Variants in POLR3B observed in about 807,000 individuals in gnomAD.
POLR3B encodes the protein RNA polymerase III subunit B.
A neutral mutation model predicts 147.4 loss-of-function variants in POLR3B; 96 were observed. That is an observed-to-expected ratio of 0.65 (90% CI 0.55 to 0.77). The LOEUF (loss-of-function observed/expected upper bound fraction) is 0.77, where lower values mean the gene tolerates loss of function less well. Ranked by LOEUF, POLR3B falls within the 30% of genes least tolerant of loss-of-function variation. The pLI is 0.00. For synonymous variants in POLR3B, 461 were observed against 485.9 expected (o/e 0.95, Z 0.67); for missense variants, 1,036 against 1,413.5 (o/e 0.73, Z 4.28).
intron 1 of POLR3B, among the ~76,000 whole-genome samples, chr12:106,359,557 C>A (rs2136873209): frequency 6.6e-6 from 1 of 152,128 alleles, no homozygotes; most frequent in East Asian, 1.9e-4. Flanking sequence ...GTCTCGAACT[C>A]CTGACCTCGT....
chr12:106,439,913 G>A (rs1441882754), intron 18 of POLR3B, among the ~76,000 whole-genome samples: 1 of 151,962 alleles, frequency 6.6e-6, no homozygotes, highest in Non-Finnish European at 1.5e-5. Flanking sequence ...AAAAAAGTTA[G>A]CCAAGTGTTG....
intron 11 of POLR3B, among the ~76,000 whole-genome samples, chr12:106,408,921 G>T (rs1006141904): frequency 5.3e-5 from 8 of 152,172 alleles, no homozygotes; most frequent in African/African-American, 1.9e-4. Flanking sequence ...AAATGAGTTA[G>T]AGTTCAATCC....
Position 106,376,545 on chromosome 12 carries a change from T to G in POLR3B, c.496+95T>G, listed in dbSNP as rs552245687. On this transcript the variant is annotated intron_variant, in intron 7 of 27. Transcript: ENST00000228347. ...ATTTTGTCTCAAAAACAGTACCAGC[T>G]TTTCTACTTTATAATGAACTTGTTC... The G allele has an allele frequency of 3.5e-6, 3 of 867,110 alleles. No individual in the cohort carries two copies. The East Asian group carries it at 7.6e-5, about 22-fold the overall frequency. The allele number at this position is 867,110 out of a possible 1,614,324, so 53.7% of individuals were successfully genotyped here.
intron 10 of POLR3B, among the ~76,000 whole-genome samples, chr12:106,404,603 A>G (rs1207170493): frequency 6.6e-6 from 1 of 151,894 alleles, no homozygotes; most frequent in Non-Finnish European, 1.5e-5. Context: ...TTTCTTAGTG[A>G]ATTGTCTTTT....
Position 106,430,341 on chromosome 12 carries a change from A to G in POLR3B, c.1332A>G (p.Ser444=), listed in dbSNP as rs145020083. Reference sequence around the variant, plus strand: ...TAACCCAAGTGCTGTCTCGCTTGTCATATATATCCGCACTGGGCATGATGA... The same window carrying G: ...TAACCCAAGTGCTGTCTCGCTTGTCGTATATATCCGCACTGGGCATGATGA... ...QGVTQVLSRL[S]YISALGMMTR... is the part of the protein sequence containing the mutation. The change falls in exon 14 of 28, where the codon TCA becomes TCG. Residue 444 remains serine, a synonymous_variant. Transcript: ENST00000228347. 1.8e-5 allele frequency: 29 copies of G among 1,614,016 alleles called. No individual in the cohort carries two copies. The African/African-American group carries it at 3.9e-4, about 22-fold the overall frequency.
At chr12:106,364,777 A>G (rs1286811496) in intron 2 of POLR3B, among the ~76,000 whole-genome samples, 2 of 152,264 alleles carry the variant, frequency 1.3e-5, no homozygotes, top group Non-Finnish European at 2.9e-5. Context: ...CAATAAAAAG[A>G]AAGCAGGTAC....
At chr12:106,456,549 G>T (rs1296670507) in intron 20 of POLR3B, among the ~76,000 whole-genome samples, 2 of 151,970 alleles carry the variant, frequency 1.3e-5, no homozygotes, top group Admixed American at 6.6e-5. Context: ...GTTTTTACTT[G>T]TTGGCTTAGA....
chr12:106,503,647 T>G (rs1027359696), intron 26 of POLR3B, among the ~76,000 whole-genome samples: 1 of 152,224 alleles, frequency 6.6e-6, no homozygotes, highest in African/African-American at 2.4e-5. Context: ...TCCCCCACAG[T>G]CTATTCTGCT....
At chr12:106,424,478 T>G (rs934399314) in intron 12 of POLR3B, among the ~76,000 whole-genome samples, 4 of 152,200 alleles carry the variant, frequency 2.6e-5, no homozygotes, top group African/African-American at 9.6e-5. Flanking sequence ...CATTAGGGCA[T>G]GCAAAACAGT....
intron 12 of POLR3B, among the ~76,000 whole-genome samples, chr12:106,414,768 G>A (rs557803724): frequency 1.3e-5 from 2 of 152,300 alleles, no homozygotes; most frequent in South Asian, 4.1e-4. Context: ...GAAGCTTCAT[G>A]AGGACAGAGA....
intron 23 of POLR3B, among the ~76,000 whole-genome samples, chr12:106,483,054 A>G (rs1194872145): frequency 2.6e-5 from 4 of 152,272 alleles, no homozygotes; most frequent in East Asian, 1.9e-4. Context: ...TAATAACTAA[A>G]TATAGTTATC....
chr12:106,419,447 C>T (rs917676507), intron 12 of POLR3B, among the ~76,000 whole-genome samples: 1 of 152,160 alleles, frequency 6.6e-6, no homozygotes, highest in Non-Finnish European at 1.5e-5. Context: ...GCTTTGAATA[C>T]CTTCTTCATT....
chr12:106,428,394 C>T (rs1336642354), intron 13 of POLR3B, among the ~76,000 whole-genome samples: 1 of 152,082 alleles, frequency 6.6e-6, no homozygotes. Context: ...CAGGTGTGCC[C>T]CACTCTAGGC....
At chr12:106,503,361 T>C (rs920326156) in intron 26 of POLR3B, among the ~76,000 whole-genome samples, 7 of 152,188 alleles carry the variant, frequency 4.6e-5, no homozygotes, top group Non-Finnish European at 1.0e-4. Context: ...AAAGATGCTA[T>C]GGAATACAGC....
At chr12:106,487,086 G>A (rs560911879) in intron 23 of POLR3B, among the ~76,000 whole-genome samples, 81 of 152,332 alleles carry the variant, frequency 5.3e-4, no homozygotes, top group Middle Eastern at 3.4e-3. Context: ...CCCTAAGGGG[G>A]ACTGCATCAG....
intron 11 of POLR3B, 79 bp downstream of exon 11, chr12:106,406,055 C>T: frequency 6.6e-7 from 1 of 1,509,548 alleles, no homozygotes; most frequent in African/African-American, 1.4e-5. Flanking sequence ...AAGAGTTTAC[C>T]TTATTTAAAG....
chr12:106,402,078 A>C lies in POLR3B; in HGVS notation c.847-3779A>C, dbSNP rs1438350332. 1.0e-3 allele frequency among the ~76,000 whole-genome samples: 154 copies of C among 151,616 alleles called. 3 individuals carry two copies. The East Asian group carries it at 0.017, about 16-fold the overall frequency. ...CTAGAAAACCCCATCGTCTCAGCCCAAAATCTCCTTAAGCTGATAAGCAAC... is the reference window on the plus strand; with the variant it reads ...CTAGAAAACCCCATCGTCTCAGCCCCAAATCTCCTTAAGCTGATAAGCAAC... On this transcript the variant is annotated intron_variant, in intron 10 of 27. Coordinates refer to ENST00000228347, the MANE Select transcript of POLR3B (RefSeq NM_018082.6).
At chr12:106,363,843 T>C in intron 1 of POLR3B, 27 bp from the exon 2 acceptor site, 1 of 1,585,444 alleles carries the variant, frequency 6.3e-7, no homozygotes, top group Non-Finnish European at 8.7e-7. Context: ...TACAGAGTTC[T>C]GATATTCTTC....
chr12:106,417,310 A>G (rs1174226022), intron 12 of POLR3B, among the ~76,000 whole-genome samples: 1 of 152,186 alleles, frequency 6.6e-6, no homozygotes, highest in Non-Finnish European at 1.5e-5. Context: ...ATAGAGGGTC[A>G]GTGTGGCTGG....
Sources: allele counts gnomAD v4.1 joint callset (sites outside exome capture counted in the v4.1 genomes callset), GRCh38; gene constraint gnomAD v4.1.1; transcripts MANE v1.5; gene names NCBI Gene and HGNC (gene_info 2026-07-23, HGNC 2026-07-21).